Variants in ZC4H2 observed in about 807,000 individuals in gnomAD.
The protein encoded by ZC4H2 is zinc finger C4H2-type containing.
For missense variants in ZC4H2, 137 were observed against 173.9 expected, an observed-to-expected ratio of 0.79 and a Z score of 1.19; for synonymous variants, 84 against 66.3, an observed-to-expected ratio of 1.27 and a Z score of -1.30.
intron 1 of ZC4H2, among the ~76,000 whole-genome samples, chrX:64,999,473 T>C (rs1405043502): frequency 1.8e-5 from 2 of 112,522 alleles, no homozygotes; most frequent in African/African-American, 6.5e-5. Context: ...TGGGTGCCTA[T>C]GCCACCACGG....
chrX:64,948,140 T>G (rs1323244792), intron 1 of ZC4H2, among the ~76,000 whole-genome samples: 2 of 111,276 alleles, frequency 1.8e-5, no homozygotes, highest in Admixed American at 1.9e-4. Flanking sequence ...AAGTTCTCTT[T>G]TGGGTTTTGG....
chrX:64,919,784 A>G (rs1207249209), intron 3 of ZC4H2: 23 of 259,449 alleles, frequency 8.9e-5, no homozygotes, highest in Non-Finnish European at 1.3e-4. Flanking sequence ...TTATAGACAT[A>G]GTCTTGTATT....
intron 1 of ZC4H2, among the ~76,000 whole-genome samples, chrX:65,023,962 C>T (rs904287807): frequency 2.7e-5 from 3 of 111,215 alleles, no homozygotes; most frequent in South Asian, 3.8e-4. Flanking sequence ...TGCAGGGACA[C>T]GGATGAATTT....
intron 1 of ZC4H2, among the ~76,000 whole-genome samples, chrX:64,938,666 C>T (rs1930127633): frequency 8.9e-6 from 1 of 111,928 alleles, no homozygotes; most frequent in African/African-American, 3.3e-5. Flanking sequence ...ATCACATAAA[C>T]ATAACCAATG....
chrX:64,952,351 G>A (rs1383231950), intron 1 of ZC4H2, among the ~76,000 whole-genome samples: 4 of 108,970 alleles, frequency 3.7e-5, no homozygotes, highest in Non-Finnish European at 5.7e-5. Flanking sequence ...GTCATTGGTA[G>A]CTTGATGGGG....
At chrX:65,032,020 C>CT (rs1033882152) in intron 1 of ZC4H2, among the ~76,000 whole-genome samples, 2 of 111,433 alleles carry the variant, frequency 1.8e-5, no homozygotes, top group South Asian at 3.7e-4. Flanking sequence ...AATCAGCTTT[C>CT]TTTTTTTTCC....
At chrX:65,009,860 G>A (rs1448854605) in intron 1 of ZC4H2, among the ~76,000 whole-genome samples, 1 of 111,745 alleles carries the variant, frequency 8.9e-6, no homozygotes, top group African/African-American at 3.3e-5. Context: ...CATATCTTCA[G>A]TCAGCACCAA....
intron 1 of ZC4H2, among the ~76,000 whole-genome samples, chrX:65,000,235 C>T (rs1160059370): frequency 8.9e-6 from 1 of 111,981 alleles, no homozygotes; most frequent in Non-Finnish European, 1.9e-5. Context: ...GAAGAAGCTT[C>T]CAGAGGAAGG....
chrX:65,027,612 C>T (rs1932892594), intron 1 of ZC4H2, among the ~76,000 whole-genome samples: 2 of 110,904 alleles, frequency 1.8e-5, no homozygotes, highest in South Asian at 7.8e-4. Context: ...GTTTGGGAGA[C>T]AAGGTAAAAT....
At position 64,930,437 on chromosome X, in the gene ZC4H2, G is replaced by A. The variant is rs760676611; in HGVS notation, c.54-8449C>T. 2.7e-5 allele frequency among the ~76,000 whole-genome samples: 3 copies of A among 111,623 alleles called. No individual in the cohort carries two copies. In the South Asian group the frequency reaches 1.1e-3, roughly 42 times the overall value. On this transcript the variant is annotated intron_variant, in intron 1 of 4. Coordinates refer to ENST00000374839, the MANE Select transcript of ZC4H2 (RefSeq NM_018684.4). ...AGAAGTGGTGACAATAGGCATCCTT[G>A]TCTTGTTCCAGTTCTCACGGGGAAT...
chrX:64,980,442 C>T (rs1035189878), upstream of ZC4H2, among the ~76,000 whole-genome samples: 12 of 111,680 alleles, frequency 1.1e-4, no homozygotes, highest in Non-Finnish European at 1.9e-4. Flanking sequence ...GGAAAAGCTT[C>T]CTGAACAAAA....
At chrX:64,922,105 A>C in intron 1 of ZC4H2, 117 bp from the exon 2 acceptor site, 1 of 1,102,221 alleles carries the variant, frequency 9.1e-7, no homozygotes, top group Non-Finnish European at 1.2e-6. Flanking sequence ...GGCAGAGCCA[A>C]CCTGAGGCCA....
chrX:64,942,013 C>T (rs1184752418), intron 1 of ZC4H2, among the ~76,000 whole-genome samples: 1 of 110,768 alleles, frequency 9.0e-6, no homozygotes, highest in African/African-American at 3.3e-5. Context: ...TGTGAATCCG[C>T]CTGGCCCTGG....
chrX:64,953,851 A>G lies in ZC4H2; in HGVS notation c.53+22474T>C, dbSNP rs770768149. On this transcript the variant is annotated intron_variant, in intron 1 of 4. Coordinates refer to ENST00000374839, the MANE Select transcript of ZC4H2 (RefSeq NM_018684.4). ...CCAAAGGACTATAAATCACGCTGCT[A>G]TAAAGACACATGCACACGTATGTTT... Among the ~76,000 whole-genome samples the G allele has an allele frequency of 1.4e-3, 151 of 111,576 alleles. 1 individual carries two copies. Among genetic ancestry groups the G allele is most frequent in the African/African-American group, 4.6e-3 (142 of 30,672 alleles).
chrX:64,951,372 C>T (rs1345912136), intron 1 of ZC4H2, among the ~76,000 whole-genome samples: 1 of 111,735 alleles, frequency 8.9e-6, no homozygotes, highest in Non-Finnish European at 1.9e-5. Flanking sequence ...TGAGGAATCG[C>T]CACACTGACT....
At chrX:64,949,523 C>A (rs1480731287) in intron 1 of ZC4H2, among the ~76,000 whole-genome samples, 2 of 111,278 alleles carry the variant, frequency 1.8e-5, no homozygotes, top group African/African-American at 6.5e-5. Flanking sequence ...CCAGAGGGAC[C>A]CTTAAGCACC....
intron 1 of ZC4H2, among the ~76,000 whole-genome samples, chrX:64,987,751 T>C (rs1272731991): frequency 2.7e-5 from 3 of 109,302 alleles, no homozygotes; most frequent in African/African-American, 1.0e-4. Context: ...ATTATTATTA[T>C]ACTTTAAGTT....
chrX:64,950,348 T>C (rs112408309), intron 1 of ZC4H2, among the ~76,000 whole-genome samples: 9,256 of 111,592 alleles, frequency 0.083, 1,032 homozygotes, highest in African/African-American at 0.29. Context: ...GAGAATTCTG[T>C]AGATGTCTAT....
At chrX:64,924,212 T>A (rs1401488273) in intron 1 of ZC4H2, among the ~76,000 whole-genome samples, 1 of 112,069 alleles carries the variant, frequency 8.9e-6, no homozygotes, top group South Asian at 3.7e-4. Context: ...AAAAGAAGCA[T>A]GCGCTTTAGA....
Sources: gnomAD v4.1 joint callset for allele counts (sites outside exome capture counted in the v4.1 genomes callset) on GRCh38, gnomAD v4.1.1 for gene constraint, MANE v1.5 for transcripts, NCBI Gene and HGNC (gene_info 2026-07-23, HGNC 2026-07-21) for gene names.